MYO3B: variants seen among roughly 807,000 people sequenced by gnomAD.
MYO3B encodes myosin-IIIb.
In MYO3B, 156 loss-of-function variants were observed where a neutral mutation model predicts 174.6. The ratio of observed to expected loss-of-function variants is 0.89; its 90% CI spans 0.78 to 1.02. The LOEUF is 1.02. MYO3B is among the 50% of genes least tolerant of loss of function. MYO3B has a pLI of 0.00. For missense variants in MYO3B, 1,632 were observed against 1,639.4 expected (o/e 1.00, Z 0.08); for synonymous variants, 563 against 569.1 (o/e 0.99, Z 0.15).
At chr2:170,333,878 C>T (rs574641384) in intron 7 of MYO3B, 2 of 152,252 alleles carry the variant, frequency 1.3e-5, no homozygotes, top group South Asian at 2.1e-4. Flanking sequence ...GGAAAATACT[C>T]GGAAAGGTTA....
chr2:170,314,574 C>T (rs1334678117), intron 7 of MYO3B, among the ~76,000 whole-genome samples: 3 of 152,116 alleles, frequency 2.0e-5, no homozygotes, highest in African/African-American at 7.2e-5. Context: ...GTAGTATATA[C>T]AAAAATACAT....
intron 22 of MYO3B, among the ~76,000 whole-genome samples, chr2:170,425,995 T>C (rs2094657676): frequency 6.6e-6 from 1 of 152,136 alleles, no homozygotes; most frequent in Admixed American, 6.5e-5. Flanking sequence ...ATTTAAGTAT[T>C]GTTAAATATT....
chr2:170,572,469 G>A (rs1692502846), intron 32 of MYO3B, among the ~76,000 whole-genome samples: 1 of 151,240 alleles, frequency 6.6e-6, no homozygotes, highest in South Asian at 2.1e-4. Context: ...ACAAAAATTA[G>A]CTGAGTGTGG....
At chr2:170,213,250 C>G (rs992474665) in intron 3 of MYO3B, among the ~76,000 whole-genome samples, 2 of 152,130 alleles carry the variant, frequency 1.3e-5, no homozygotes, top group Non-Finnish European at 2.9e-5. Flanking sequence ...CCGGGAGCAT[C>G]GGGCAAGACT....
chr2:170,437,348 T>A (rs530711438), intron 22 of MYO3B, among the ~76,000 whole-genome samples: 1 of 152,266 alleles, frequency 6.6e-6, no homozygotes, highest in South Asian at 2.1e-4. Context: ...AAATGACAGA[T>A]GCAGGAATGT....
rs146175429 is a variant in MYO3B, at chr2:170,498,606, C to A, written c.3029C>A (p.Ala1010Glu). Residue 1010 changes from alanine (A) to glutamate (E), a missense_variant, in exon 26 of 35, where the codon GCA (alanine) becomes GAA (glutamate). Ala to Glu is a moderately radical substitution (Grantham distance 107). Transcript: ENST00000408978. ...EEFVKRYYYL[A>E]FTAHQTPLAS... ...TTATTTTGCAGGTATTATTACTTGG[C>A]ATTCACAGCACATCAAACACCTCTT... The A allele has an allele frequency of 5.0e-6, 8 of 1,613,162 alleles. No homozygotes were observed. In the African/African-American group the frequency reaches 8.0e-5, roughly 16 times the overall value.
intron 30 of MYO3B, 134 bp downstream of exon 30, chr2:170,519,674 C>A: frequency 2.6e-6 from 2 of 772,290 alleles, no homozygotes; most frequent in Admixed American, 2.5e-5. Flanking sequence ...AGAGTGGAAC[C>A]AAAAAGCGTT....
intron 25 of MYO3B, among the ~76,000 whole-genome samples, chr2:170,489,702 T>A (rs886990007): frequency 3.3e-5 from 5 of 150,722 alleles, no homozygotes; most frequent in African/African-American, 1.2e-4. Flanking sequence ...GGTAAGTGTG[T>A]GTGGTGTGTA....
intron 3 of MYO3B, 95 bp downstream of exon 3, chr2:170,200,379 TGAG>T: frequency 7.1e-7 from 1 of 1,412,702 alleles, no homozygotes; most frequent in African/African-American, 1.4e-5. Flanking sequence ...GGTACACATT[TGAG>T]GAGTAGGTCC....
At chr2:170,377,056 A>G (rs905070790) in intron 9 of MYO3B, among the ~76,000 whole-genome samples, 1 of 152,220 alleles carries the variant, frequency 6.6e-6, no homozygotes, top group African/African-American at 2.4e-5. Context: ...TTCCATAGGC[A>G]TAACTGGCAG....
At chr2:170,256,981 CAAG>C (rs1186854586) in intron 7 of MYO3B, among the ~76,000 whole-genome samples, 1 of 151,970 alleles carries the variant, frequency 6.6e-6, no homozygotes, top group Non-Finnish European at 1.5e-5. Flanking sequence ...GACTTTAAAC[CAAG>C]AATAGTAAAA....
At chr2:170,551,303 C>T (rs969443871) in intron 32 of MYO3B, among the ~76,000 whole-genome samples, 4 of 150,766 alleles carry the variant, frequency 2.7e-5, no homozygotes, top group Non-Finnish European at 5.9e-5. Flanking sequence ...CTCTAAGCCC[C>T]ACCAGATCTG....
intron 3 of MYO3B, among the ~76,000 whole-genome samples, chr2:170,211,532 G>A (rs1249193862): frequency 1.3e-5 from 2 of 152,116 alleles, no homozygotes; most frequent in Non-Finnish European, 2.9e-5. Flanking sequence ...AGGGGATAAG[G>A]GTAAGCAATT....
In MYO3B at chr2:170,564,922, A is replaced by G. The variant is rs182488120; in HGVS notation, c.3733+20934A>G. On this transcript the variant is annotated intron_variant, in intron 32 of 34. Coordinates refer to ENST00000408978, the MANE Select transcript of MYO3B (RefSeq NM_138995.5). Reference sequence around the variant, plus strand: ...CATAAGGTCTCTCTTTTAATATCCAATTAAAATTGCTTGATTTTCCATCCC... The same window carrying G: ...CATAAGGTCTCTCTTTTAATATCCAGTTAAAATTGCTTGATTTTCCATCCC... Among the ~76,000 whole-genome samples, 907 of 151,710 alleles carry G rather than the reference A, an allele frequency of 6.0e-3. 4 individuals are homozygous for G. Among genetic ancestry groups the G allele is most frequent in the Non-Finnish European group, 0.011 (716 of 67,998 alleles).
At chr2:170,339,539 G>A (rs1402692724) in intron 8 of MYO3B, among the ~76,000 whole-genome samples, 2 of 152,182 alleles carry the variant, frequency 1.3e-5, no homozygotes, top group Non-Finnish European at 1.5e-5. Context: ...GTGTGTGCAC[G>A]TGCATACGCG....
At chr2:170,515,941 G>A (rs1425018255) in intron 29 of MYO3B, among the ~76,000 whole-genome samples, 1 of 152,120 alleles carries the variant, frequency 6.6e-6, no homozygotes, top group Non-Finnish European at 1.5e-5. Flanking sequence ...TCTTGAACTT[G>A]AGGAGACTTG....
chr2:170,534,605 C>T (rs1689567706), intron 30 of MYO3B, among the ~76,000 whole-genome samples: 2 of 152,114 alleles, frequency 1.3e-5, no homozygotes, highest in African/African-American at 2.4e-5. Context: ...GCCACCACGC[C>T]TGACTAAATT....
intron 22 of MYO3B, among the ~76,000 whole-genome samples, chr2:170,442,686 T>C (rs900533545): frequency 6.6e-6 from 1 of 152,122 alleles, no homozygotes; most frequent in South Asian, 2.1e-4. Context: ...TGGTGTGTGA[T>C]GTTCCCCACC....
chr2:170,299,893 AT>A (rs2093654523), intron 7 of MYO3B, among the ~76,000 whole-genome samples: 1 of 152,190 alleles, frequency 6.6e-6, no homozygotes, highest in African/African-American at 2.4e-5. Context: ...CCTAGAAAGC[AT>A]TTTCCAAGTA....
Sources: gnomAD v4.1 joint callset for allele counts (sites outside exome capture counted in the v4.1 genomes callset) on GRCh38, gnomAD v4.1.1 for gene constraint, MANE v1.5 for transcripts, NCBI Gene and HGNC (gene_info 2026-07-23, HGNC 2026-07-21) for gene names.